The following RAB22A variants were observed in gnomAD, a reference collection of about 807,000 sequenced individuals.
The protein encoded by RAB22A is RAB22A, member RAS oncogene family.
Under a neutral mutation model 30.2 loss-of-function variants are expected in RAB22A, and 13 were observed. The observed-to-expected ratio is 0.43, with a 90% confidence interval of 0.28 to 0.68. The LOEUF (loss-of-function observed/expected upper bound fraction) is 0.68, where lower values mean the gene tolerates loss of function less well. RAB22A is among the 30% of genes least tolerant of loss of function. The probability of loss-of-function intolerance (pLI) is 0.18; values close to 1 mark genes in which losing one functional copy is unlikely to be tolerated. For missense variants in RAB22A, 177 were observed against 246.8 expected, an observed-to-expected ratio of 0.72 and a Z score of 1.89; for synonymous variants, 89 against 87.2, an observed-to-expected ratio of 1.02 and a Z score of -0.11.
chr20:58,335,350 T>A (rs1986729942), intron 2 of RAB22A, among the ~76,000 whole-genome samples: 1 of 152,190 alleles, frequency 6.6e-6, no homozygotes, highest in Admixed American at 6.5e-5. Context: ...TTAAAAATTC[T>A]CCAAGGTTGG....
At chr20:58,354,558 G>A (rs751716860) in intron 6 of RAB22A, among the ~76,000 whole-genome samples, 8 of 152,220 alleles carry the variant, frequency 5.3e-5, no homozygotes, top group South Asian at 2.1e-4. Context: ...TCTGTTAGTC[G>A]TCCAAGGTCA....
In RAB22A at chr20:58,365,309, G is replaced by A. The variant is rs1235056528; in HGVS notation, c.*5606G>A. ...GAGCTGGGCATACCTCTTCCTCTAG[G>A]CCAATTCAGAGGCCACTGGCCACCC... On this transcript the variant is annotated 3_prime_UTR_variant, in exon 7 of 7. Coordinates refer to ENST00000244040, the MANE Select transcript of RAB22A (RefSeq NM_020673.3). The A allele has an allele frequency of 6.6e-6, 1 of 152,142 alleles. No homozygotes were observed. Among genetic ancestry groups the A allele is most frequent in the Non-Finnish European group, 1.5e-5 (1 of 68,050 alleles). The allele number at this position is 152,142 out of a possible 1,614,324, so 9.4% of individuals were successfully genotyped here.
intron 2 of RAB22A, among the ~76,000 whole-genome samples, chr20:58,314,019 A>G (rs1453059862): frequency 6.6e-6 from 1 of 151,732 alleles, no homozygotes; most frequent in African/African-American, 2.4e-5. Flanking sequence ...AAGCTACATT[A>G]TGACTAGTGT....
At chr20:58,321,236 C>T (rs1391531851) in intron 2 of RAB22A, among the ~76,000 whole-genome samples, 1 of 151,066 alleles carries the variant, frequency 6.6e-6, no homozygotes, top group African/African-American at 2.4e-5. Context: ...TGGTGGTAGG[C>T]ACCTGTAATC....
chr20:58,345,428 C>T (rs902705400), intron 3 of RAB22A: 12 of 152,294 alleles, frequency 7.9e-5, no homozygotes, highest in African/African-American at 2.4e-4. Context: ...ATTGGTTCTG[C>T]AACAGGAGTA....
chr20:58,318,203 A>T (rs1295496230), intron 2 of RAB22A, among the ~76,000 whole-genome samples: 1 of 152,238 alleles, frequency 6.6e-6, no homozygotes, highest in Non-Finnish European at 1.5e-5. Context: ...TTAAAATTTT[A>T]AAATTATTTG....
At chr20:58,311,964 G>A (rs1986234619) in intron 2 of RAB22A, among the ~76,000 whole-genome samples, 1 of 152,114 alleles carries the variant, frequency 6.6e-6, no homozygotes, top group African/African-American at 2.4e-5. Context: ...GTTATTTATG[G>A]ATTTTTTTGA....
At chr20:58,355,873 G>A (rs190072444) in intron 6 of RAB22A, among the ~76,000 whole-genome samples, 1 of 152,260 alleles carries the variant, frequency 6.6e-6, no homozygotes, top group East Asian at 1.9e-4. Context: ...GTAAATAGCA[G>A]GTACCCAGAT....
rs1987332061 is a variant in RAB22A at position 58,367,035 on chromosome 20, T to C, written c.*7332T>C. ...TTGTGCCTTTTTATAAAAGCATCTA[T>C]TACGAAAGTAAAATTCAGTTGCTTA... On this transcript the variant is annotated 3_prime_UTR_variant, in exon 7 of 7. Transcript: ENST00000244040. The C allele has an allele frequency of 6.5e-6, 1 of 152,684 alleles. No individual in the cohort carries two copies. Among genetic ancestry groups the C allele is most frequent in the African/African-American group, 2.4e-5 (1 of 41,470 alleles). 9.5% of individuals were successfully genotyped at this position (152,684 alleles called of 1,614,324 possible).
chr20:58,331,259 A>G (rs187906676), intron 2 of RAB22A, among the ~76,000 whole-genome samples: 215 of 152,110 alleles, frequency 1.4e-3, no homozygotes, highest in African/African-American at 5.0e-3. Flanking sequence ...CTATCATCCT[A>G]TCTCAAATTG....
rs1987332507 is a variant in RAB22A, at chr20:58,367,053, G to A, written c.*7350G>A. 6.6e-6 allele frequency: 1 copy of A among 152,620 alleles called. No homozygotes were observed. Among genetic ancestry groups the A allele is most frequent in the African/African-American group, 2.4e-5 (1 of 41,438 alleles). 9.5% of individuals were successfully genotyped at this position (152,620 alleles called of 1,614,324 possible). On this transcript the variant is annotated 3_prime_UTR_variant, in exon 7 of 7. Coordinates refer to ENST00000244040, the MANE Select transcript of RAB22A (RefSeq NM_020673.3). ...GCATCTATTACGAAAGTAAAATTCA[G>A]TTGCTTACAGTTTTGGCCGCTTTGT... is the stretch of plus-strand genomic sequence containing the variant.
chr20:58,352,942 CA>C (rs1240327064), intron 3 of RAB22A, among the ~76,000 whole-genome samples: 5 of 152,096 alleles, frequency 3.3e-5, no homozygotes, highest in Non-Finnish European at 7.4e-5. Context: ...TTAGGGAAGC[CA>C]AAGTTTAAAG....
intron 2 of RAB22A, among the ~76,000 whole-genome samples, chr20:58,339,069 C>G (rs146916968): frequency 1.3e-4 from 20 of 152,318 alleles, no homozygotes; most frequent in African/African-American, 4.8e-4. Flanking sequence ...AACAAGTCTA[C>G]TGCAGTTAAA....
intron 2 of RAB22A, among the ~76,000 whole-genome samples, chr20:58,342,999 C>T (rs544234381): frequency 2.6e-5 from 4 of 152,282 alleles, no homozygotes; most frequent in Admixed American, 1.3e-4. Context: ...GGAACCCTGC[C>T]GTCAGAGTGC....
intron 2 of RAB22A, among the ~76,000 whole-genome samples, chr20:58,315,755 A>G (rs1448790003): frequency 6.7e-6 from 1 of 149,800 alleles, no homozygotes; most frequent in East Asian, 2.0e-4. Context: ...GCCCTCTGGG[A>G]CTCCTTCCCA....
chr20:58,348,207 A>G (rs190591084), intron 3 of RAB22A, among the ~76,000 whole-genome samples: 3 of 152,222 alleles, frequency 2.0e-5, no homozygotes, highest in East Asian at 3.9e-4. Flanking sequence ...AGCCTGGGCC[A>G]TGGAGTGAGA....
intron 2 of RAB22A, among the ~76,000 whole-genome samples, chr20:58,323,990 TTA>T (rs761564974): frequency 3.3e-5 from 5 of 152,168 alleles, no homozygotes; most frequent in Admixed American, 6.5e-5. Flanking sequence ...TAATTAGTTA[TTA>T]TTTTTTAGAA....
intron 2 of RAB22A, among the ~76,000 whole-genome samples, chr20:58,326,734 G>A (rs895101160): frequency 6.6e-6 from 1 of 152,126 alleles, no homozygotes; most frequent in Non-Finnish European, 1.5e-5. Context: ...ATGGAGTCTT[G>A]TAGACTCCTT....
At chr20:58,356,867 G>A (rs1987137811) in intron 6 of RAB22A, among the ~76,000 whole-genome samples, 1 of 152,144 alleles carries the variant, frequency 6.6e-6, no homozygotes, top group Non-Finnish European at 1.5e-5. Flanking sequence ...GAGTTGTGCG[G>A]GTAAGGGGGC....
Sources: allele counts gnomAD v4.1 joint callset (sites outside exome capture counted in the v4.1 genomes callset), GRCh38; gene constraint gnomAD v4.1.1; transcripts MANE v1.5; gene names NCBI Gene and HGNC (gene_info 2026-07-23, HGNC 2026-07-21).